Variants in EPHA3 observed in about 807,000 individuals in gnomAD.
EPHA3 encodes the protein EPH receptor A3.
In EPHA3, 42 loss-of-function variants were observed where a neutral mutation model predicts 107.1. That is an observed-to-expected ratio of 0.39 (90% CI 0.31 to 0.51). The LOEUF is 0.51. Among genes scored for constraint, EPHA3 ranks in the 20% least tolerant of loss-of-function variants. The pLI is 0.78. For missense variants in EPHA3, 1,183 were observed against 1,211.2 expected (o/e 0.98, Z 0.35); for synonymous variants, 461 against 424.8 (o/e 1.09, Z -1.05).
chr3:89,269,910 T>C (rs1705627028), intron 3 of EPHA3, among the ~76,000 whole-genome samples: 1 of 151,988 alleles, frequency 6.6e-6, no homozygotes, highest in Admixed American at 6.6e-5. Context: ...AGATAGAGTC[T>C]AAATTCTCTG....
chr3:89,189,086 T>C (rs1032381537), intron 2 of EPHA3, among the ~76,000 whole-genome samples: 9 of 152,250 alleles, frequency 5.9e-5, no homozygotes, highest in African/African-American at 2.2e-4. Flanking sequence ...TTCCAGTTTA[T>C]GTAGAAAGTT....
At position 89,273,729 on chromosome 3, in the gene EPHA3, T is replaced by C. The variant is rs1344058728; in HGVS notation, c.814+63209T>C. Among the ~76,000 whole-genome samples, 4 of 140,906 alleles carry C rather than the reference T, an allele frequency of 2.8e-5. No homozygotes were observed. In the East Asian group the frequency reaches 8.1e-4, roughly 29 times the overall value. The allele number at this position is 140,906 out of a possible 152,430, so 92.4% of individuals were successfully genotyped here. A position where few individuals can be genotyped will look rare whatever the true frequency, so the allele number is the denominator to read the frequency against. On this transcript the variant is annotated intron_variant, in intron 3 of 16. Transcript: ENST00000336596. ...TCAATACATAGTCTTATTTTATGTATGTTTCTGTTTTAAGGCACCTTATTT... is the reference window on the plus strand; with the variant it reads ...TCAATACATAGTCTTATTTTATGTACGTTTCTGTTTTAAGGCACCTTATTT...
chr3:89,381,696 A>T (rs1708513447), intron 5 of EPHA3, among the ~76,000 whole-genome samples: 1 of 151,912 alleles, frequency 6.6e-6, no homozygotes, highest in African/African-American at 2.4e-5. Context: ...TTAGGACATG[A>T]GCCCTTGGAA....
intron 3 of EPHA3, among the ~76,000 whole-genome samples, chr3:89,239,718 A>C (rs1481837332): frequency 1.3e-5 from 2 of 152,166 alleles, no homozygotes; most frequent in African/African-American, 2.4e-5. Context: ...TTTCTCAAAA[A>C]AATATTTTTC....
At position 89,179,926 on chromosome 3, in the gene EPHA3, G is replaced by GT. The variant is rs200683412; in HGVS notation, c.154-29923dup. On this transcript the variant is annotated intron_variant, in intron 2 of 16. Transcript: ENST00000336596. ...AAATCAGTGTCTCACTGAGAGCAGG[G>GT]TTTTTTTTTTTCAATACCCTGAGAC... 4.5e-3 allele frequency among the ~76,000 whole-genome samples: 645 copies of GT among 142,366 alleles called. 2 individuals carry two copies. The highest frequency in any genetic ancestry group is 7.1e-3 in the Non-Finnish European group (461 of 64,670). The allele number at this position is 142,366 out of a possible 152,430, so 93.4% of individuals were successfully genotyped here.
chr3:89,197,377 G>A (rs1456957694), intron 2 of EPHA3, among the ~76,000 whole-genome samples: 6 of 150,576 alleles, frequency 4.0e-5, no homozygotes, highest in South Asian at 4.2e-4. Context: ...TATACCTGAG[G>A]CTTAACATAC....
intron 1 of EPHA3, among the ~76,000 whole-genome samples, chr3:89,111,641 G>A (rs1707113153): frequency 6.6e-6 from 1 of 151,612 alleles, no homozygotes; most frequent in Admixed American, 6.6e-5. Flanking sequence ...CAGCAAATTT[G>A]TTTAAGCTTT....
chr3:89,355,548 G>T (rs73137329), intron 5 of EPHA3, among the ~76,000 whole-genome samples: 1 of 150,886 alleles, frequency 6.6e-6, no homozygotes, highest in East Asian at 1.9e-4. Context: ...TTTAAATTTG[G>T]TTTGTTTATG....
chr3:89,151,976 T>A (rs1303902408), intron 2 of EPHA3, among the ~76,000 whole-genome samples: 2 of 151,994 alleles, frequency 1.3e-5, no homozygotes, highest in East Asian at 3.9e-4. Flanking sequence ...TAGCTTTTTG[T>A]TTTTTAAATT....
intron 3 of EPHA3, among the ~76,000 whole-genome samples, chr3:89,327,957 G>A (rs776542103): frequency 1.8e-4 from 27 of 151,820 alleles, no homozygotes; most frequent in Non-Finnish European, 2.8e-4. Context: ...AATAAGCTGC[G>A]CATGGTGGCT....
rs552066666 is a variant in EPHA3 at position 89,481,843 on chromosome 3, C to T, written c.*2341C>T. 4 of 231,586 alleles carry T rather than the reference C, an allele frequency of 1.7e-5. No homozygotes were observed. The East Asian group carries it at 2.5e-4, about 14-fold the overall frequency. The allele number at this position is 231,586 out of a possible 1,614,324, so 14.3% of individuals were successfully genotyped here. A position where few individuals can be genotyped will look rare whatever the true frequency, so the allele number is the denominator to read the frequency against. ...ACTTTCAGTAAACATAAAGCCACAA[C>T]TCCTACATGATGTTATGTACCATAT... On this transcript the variant is annotated 3_prime_UTR_variant, in exon 17 of 17. Coordinates refer to ENST00000336596, the MANE Select transcript of EPHA3 (RefSeq NM_005233.6).
chr3:89,250,402 G>A (rs1161219599), intron 3 of EPHA3, among the ~76,000 whole-genome samples: 1 of 152,062 alleles, frequency 6.6e-6, no homozygotes, highest in Non-Finnish European at 1.5e-5. Context: ...GTAACATCAA[G>A]GTATTGCTAT....
chr3:89,273,849 G>A (rs542767897), intron 3 of EPHA3, among the ~76,000 whole-genome samples: 18 of 151,890 alleles, frequency 1.2e-4, no homozygotes, highest in South Asian at 4.1e-4. Context: ...TCTCTGTAAG[G>A]CATATTACAG....
chr3:89,157,084 C>T (rs187321349), intron 2 of EPHA3, among the ~76,000 whole-genome samples: 6 of 152,048 alleles, frequency 3.9e-5, no homozygotes, highest in Admixed American at 2.6e-4. Context: ...CTTTCACTGA[C>T]AGTTCTGGTT....
At chr3:89,293,476 T>C (rs1706267304) in intron 3 of EPHA3, among the ~76,000 whole-genome samples, 1 of 152,162 alleles carries the variant, frequency 6.6e-6, no homozygotes, top group African/African-American at 2.4e-5. Context: ...TTAGACTTTG[T>C]GCTCCATACA....
intron 5 of EPHA3, among the ~76,000 whole-genome samples, chr3:89,390,711 G>A (rs1414746299): frequency 1.3e-5 from 2 of 151,932 alleles, no homozygotes; most frequent in African/African-American, 2.4e-5. Flanking sequence ...TGGACTTAGG[G>A]AAGAAAACAC....
intron 3 of EPHA3, among the ~76,000 whole-genome samples, chr3:89,275,353 A>G (rs1217143740): frequency 2.0e-5 from 3 of 152,022 alleles, no homozygotes; most frequent in African/African-American, 7.2e-5. Context: ...TCCTAATATC[A>G]GCATCTTCAT....
chr3:89,132,884 T>G (rs1371828736), intron 2 of EPHA3, among the ~76,000 whole-genome samples: 3 of 152,162 alleles, frequency 2.0e-5, no homozygotes, highest in African/African-American at 4.8e-5. Context: ...AGCCAGACTC[T>G]GTCTCTCAAA....
chr3:89,434,773 AACAG>A (rs1709634157), intron 13 of EPHA3, among the ~76,000 whole-genome samples: 1 of 152,184 alleles, frequency 6.6e-6, no homozygotes, highest in Non-Finnish European at 1.5e-5. Flanking sequence ...ATAAAAGTGA[AACAG>A]GCTCTTTGCA....
Sources: allele counts gnomAD v4.1 joint callset (sites outside exome capture counted in the v4.1 genomes callset), GRCh38; gene constraint gnomAD v4.1.1; transcripts MANE v1.5; gene names NCBI Gene and HGNC (gene_info 2026-07-23, HGNC 2026-07-21).